Variants in DAP3 observed in about 807,000 individuals in gnomAD.
The protein encoded by DAP3 is small ribosomal subunit protein mS29.
DAP3 carries 28 observed loss-of-function variants against 51.9 expected under a neutral mutation model. The observed-to-expected ratio is 0.54, with a 90% confidence interval of 0.40 to 0.74. DAP3 has a LOEUF of 0.74. Ranked by LOEUF, DAP3 falls within the 30% of genes least tolerant of loss-of-function variation. The probability of loss-of-function intolerance (pLI) is 0.00; values close to 1 mark genes in which losing one functional copy is unlikely to be tolerated. For missense variants in DAP3, 458 were observed against 483.5 expected, an observed-to-expected ratio of 0.95 and a Z score of 0.49; for synonymous variants, 170 against 170.3, an observed-to-expected ratio of 1.00 and a Z score of 0.01.
chr1:155,688,111 G>A (rs1423669257), upstream of DAP3: 8 of 1,610,396 alleles, frequency 5.0e-6, no homozygotes. Flanking sequence ...AGGGAAGTGA[G>A]GAAGAGGGGG....
At chr1:155,705,621 A>G (rs541982540) in intron 1 of DAP3, among the ~76,000 whole-genome samples, 47 of 151,486 alleles carry the variant, frequency 3.1e-4, no homozygotes, top group African/African-American at 1.0e-3. Context: ...AAAGAAAGAA[A>G]AAAAAAACAG....
chr1:155,699,425 C>T (rs1035689074), intron 1 of DAP3, among the ~76,000 whole-genome samples: 1 of 152,186 alleles, frequency 6.6e-6, no homozygotes, highest in Non-Finnish European at 1.5e-5. Flanking sequence ...GATCAGAAGA[C>T]TTTCCTCCTC....
At chr1:155,714,504 C>G (rs1346278124) in intron 2 of DAP3, among the ~76,000 whole-genome samples, 1 of 152,194 alleles carries the variant, frequency 6.6e-6, no homozygotes, top group Admixed American at 6.5e-5. Context: ...GTGGCTCACA[C>G]CCATAATCCC....
At chr1:155,692,012 T>C (rs1320634622) in intron 1 of DAP3, among the ~76,000 whole-genome samples, 1 of 141,668 alleles carries the variant, frequency 7.1e-6, no homozygotes, top group Admixed American at 6.6e-5. Context: ...CACTTAGATC[T>C]AAGAAGCAGA....
intron 4 of DAP3, among the ~76,000 whole-genome samples, chr1:155,723,983 G>C (rs954033105): frequency 1.3e-5 from 2 of 150,104 alleles, no homozygotes; most frequent in African/African-American, 4.9e-5. Context: ...AGGTTGCAGT[G>C]AGCTGAGATC....
intron 3 of DAP3, among the ~76,000 whole-genome samples, chr1:155,720,579 C>T (rs1657872952): frequency 2.6e-5 from 4 of 151,122 alleles, no homozygotes; most frequent in Non-Finnish European, 2.9e-5. Flanking sequence ...ACCCGGGAGG[C>T]GGAGGTTGTG....
At chr1:155,715,759 TG>T (rs1469944319) in intron 2 of DAP3, among the ~76,000 whole-genome samples, 2 of 152,210 alleles carry the variant, frequency 1.3e-5, no homozygotes, top group East Asian at 1.9e-4. Context: ...CTTACCATTT[TG>T]TTAGATTTGT....
intron 1 of DAP3, 40 bp downstream of exon 1, chr1:155,689,214 G>A (rs1406824106): frequency 1.4e-6 from 1 of 702,002 alleles, no homozygotes; most frequent in Non-Finnish European, 2.6e-6. Flanking sequence ...ACCGCTGAGG[G>A]AAAGGAGCGG....
chr1:155,693,024 A>G (rs557371549), intron 1 of DAP3, among the ~76,000 whole-genome samples: 3 of 141,824 alleles, frequency 2.1e-5, no homozygotes, highest in South Asian at 4.1e-4. Flanking sequence ...CTATAAGGGT[A>G]AAAATAAATC....
chr1:155,736,732 A>G (rs1217637734), intron 11 of DAP3: 2 of 532,030 alleles, frequency 3.8e-6, no homozygotes, highest in African/African-American at 1.9e-5. Flanking sequence ...TTTTTAATAT[A>G]TAGCATTTGT....
In DAP3 at chr1:155,738,200, C is replaced by T. The variant is rs148826948; in HGVS notation, c.1155C>T (p.Asn385=). Reference sequence around the variant, plus strand: ...AAAAAGAGCTGCTGTTCCTAAGTAACGCGAACCCCTCGCTGCTGGAGCGGC... The same window carrying T: ...AAAAAGAGCTGCTGTTCCTAAGTAATGCGAACCCCTCGCTGCTGGAGCGGC... ...EGKKELLFLS[N]ANPSLLERHC... The change falls in exon 13 of 13, where the codon AAC becomes AAT. Residue 385 remains asparagine (N), a synonymous_variant. Transcript: ENST00000368336. 6.1e-5 allele frequency: 99 copies of T among 1,614,196 alleles called. No homozygotes were observed. The highest frequency in any genetic ancestry group is 8.1e-5 in the Non-Finnish European group (95 of 1,180,036).
chr1:155,727,555 AG>A (rs1402836059), intron 6 of DAP3, 52 bp from the exon 7 acceptor site: 5 of 1,581,650 alleles, frequency 3.2e-6, no homozygotes, highest in Non-Finnish European at 4.3e-6. Flanking sequence ...GAATATTTCG[AG>A]TTGAATACAG....
upstream of DAP3, chr1:155,688,592 C>G: frequency 2.0e-6 from 3 of 1,536,404 alleles, no homozygotes; most frequent in Non-Finnish European, 2.6e-6. Flanking sequence ...CGGGAACCTC[C>G]TCGCCCAGTT....
chr1:155,713,643 A>G (rs947374140), intron 2 of DAP3, among the ~76,000 whole-genome samples: 5 of 152,184 alleles, frequency 3.3e-5, no homozygotes, highest in Non-Finnish European at 7.3e-5. Flanking sequence ...CTAGGAGACA[A>G]GCATGTGTAA....
In DAP3 at chr1:155,729,125, A is replaced by G. The variant is rs1469035799; in HGVS notation, c.684+3A>G. ...CTCTGGGAGAAGTGGTTGAACAGGT[A>G]TAAGAAAAAACACTGAATGTGTAAC... On this transcript the variant is annotated splice_donor_region_variant and intron_variant, in intron 8 of 12. Transcript: ENST00000368336. 1 of 1,614,218 alleles carries G rather than the reference A, an allele frequency of 6.2e-7. No individual in the cohort carries two copies. Among genetic ancestry groups the G allele is most frequent in the Non-Finnish European group, 8.5e-7 (1 of 1,180,042 alleles).
intron 3 of DAP3, 22 bp downstream of exon 3, chr1:155,717,150 G>A: frequency 6.2e-7 from 1 of 1,607,296 alleles, no homozygotes; most frequent in South Asian, 1.1e-5. Context: ...ATATGTATAT[G>A]GGGTTTCTCA....
chr1:155,713,496 C>T (rs985350900), intron 2 of DAP3, among the ~76,000 whole-genome samples: 6 of 152,166 alleles, frequency 3.9e-5, no homozygotes, highest in African/African-American at 1.4e-4. Flanking sequence ...GGATGCTTTA[C>T]GTACTCTCTC....
At chr1:155,688,459 G>T (rs979997894), upstream of DAP3, 7 of 1,549,474 alleles carry the variant, frequency 4.5e-6, no homozygotes, top group Admixed American at 3.9e-5. Context: ...GCCCGACTCC[G>T]GCCATGTAGC....
At position 155,727,723 on chromosome 1, in the gene DAP3, G is replaced by A. The variant is rs777733767; in HGVS notation, c.588G>A (p.Glu196=). The stretch of plus-strand genomic sequence containing the variant: ...TGAAGAATTTCAAAACTACAAATGA[G>A]CGCTTCCTGAACCAGGTGACTAGAC... ...TWLKNFKTTN[E]RFLNQIKVQE... Residue 196 remains glutamate (E), a synonymous_variant, in exon 7 of 13, where the codon GAG becomes GAA. Coordinates refer to ENST00000368336, the MANE Select transcript of DAP3 (RefSeq NM_004632.4). The A allele has an allele frequency of 9.3e-6, 15 of 1,613,298 alleles. No homozygotes were observed. The East Asian group carries it at 2.2e-4, about 24-fold the overall frequency.
Sources: allele counts gnomAD v4.1 joint callset (sites outside exome capture counted in the v4.1 genomes callset), GRCh38; gene constraint gnomAD v4.1.1; transcripts MANE v1.5; gene names NCBI Gene and HGNC (gene_info 2026-07-23, HGNC 2026-07-21).